Variants in ZNF285 observed in about 807,000 individuals in gnomAD.
The protein encoded by ZNF285 is zinc finger protein 285A.
ZNF285 carries 4 observed loss-of-function variants against 6.2 expected under a neutral mutation model. The observed-to-expected ratio is 0.65, with a 90% CI of 0.32 to 1.49. The LOEUF (loss-of-function observed/expected upper bound fraction) is 1.49, where lower values mean the gene tolerates loss of function less well. Among genes scored for constraint, ZNF285 ranks in the 40% most tolerant of loss-of-function variants. ZNF285 has a pLI of 0.07. For synonymous variants in ZNF285, 240 were observed against 245.8 expected, an observed-to-expected ratio of 0.98 and a Z score of 0.22; for missense variants, 695 against 708.8, an observed-to-expected ratio of 0.98 and a Z score of 0.22.
intron 3 of ZNF285, among the ~76,000 whole-genome samples, chr19:44,389,242 G>T (rs1411083847): frequency 6.6e-6 from 1 of 152,040 alleles, no homozygotes; most frequent in Non-Finnish European, 1.5e-5. Context: ...CAAACAGGGG[G>T]CTGAGGCAGA....
chr19:44,384,067 C>A lies in ZNF285; in HGVS notation c.*2405G>T, dbSNP rs113753078. 6.6e-6 allele frequency: 1 copy of A among 152,078 alleles called. No homozygotes were observed. The highest frequency in any genetic ancestry group is 2.1e-4 in the South Asian group (1 of 4,818). 9.4% of individuals were successfully genotyped at this position (152,078 alleles called of 1,614,324 possible). A position where few individuals can be genotyped will look rare whatever the true frequency, so the allele number is the denominator to read the frequency against. ...AAGCTTCCTAGGATAATGTGTATCC[C>A]GGATTTTTTCTCTAACTTAATGTTT... On this transcript the variant is annotated 3_prime_UTR_variant, in exon 4 of 4. Transcript: ENST00000614994.
Position 44,394,700 on chromosome 19 carries a change from C to T in ZNF285, c.16-2234G>A, listed in dbSNP as rs1258102427. Among the ~76,000 whole-genome samples, 3 of 152,168 alleles carry T rather than the reference C, an allele frequency of 2.0e-5. No homozygotes were observed. The South Asian group carries it at 6.2e-4, about 32-fold the overall frequency. On this transcript the variant is annotated intron_variant, in intron 2 of 3. Coordinates refer to ENST00000614994, the MANE Select transcript of ZNF285 (RefSeq NM_152354.6). Reference sequence around the variant, plus strand: ...AGATATGTTCTCTCAATAGACTCTGCATCTCTAAATAAAGCAGAGGTTTCA... The same window carrying T: ...AGATATGTTCTCTCAATAGACTCTGTATCTCTAAATAAAGCAGAGGTTTCA...
intron 3 of ZNF285, among the ~76,000 whole-genome samples, chr19:44,390,649 G>A (rs187501445): frequency 2.0e-4 from 31 of 152,166 alleles, no homozygotes; most frequent in Non-Finnish European, 3.4e-4. Context: ...CATTGGCTTT[G>A]AAATGTAAGG....
Position 44,396,941 on chromosome 19 carries a change from T to C in ZNF285, c.15+258A>G, listed in dbSNP as rs2571139. 1,398 of 476,076 alleles carry C rather than the reference T, an allele frequency of 2.9e-3. 5 individuals carry two copies. Among genetic ancestry groups the C allele is most frequent in the African/African-American group, 9.5e-3 (477 of 50,198 alleles). 29.5% of individuals were successfully genotyped at this position (476,076 alleles called of 1,614,324 possible). A position where few individuals can be genotyped will look rare whatever the true frequency, so the allele number is the denominator to read the frequency against. ...TTCTTTTTCCCTCATCGGGCAGTGA[T>C]AAGCAGTTCATGGACTGGTACTGAT... On this transcript the variant is annotated intron_variant, in intron 2 of 3. Coordinates refer to ENST00000614994, the MANE Select transcript of ZNF285 (RefSeq NM_152354.6).
In ZNF285 at chr19:44,389,513, C is replaced by T. The variant is rs1346689122; in HGVS notation, c.143-1411G>A. Among the ~76,000 whole-genome samples, 4 of 152,282 alleles carry T rather than the reference C, an allele frequency of 2.6e-5. No individual in the cohort carries two copies. The South Asian group carries it at 6.2e-4, about 24-fold the overall frequency. On this transcript the variant is annotated intron_variant, in intron 3 of 3. Transcript: ENST00000614994. ...ATGACTCAGTAGGAATAGGCACGAA[C>T]ATCAACAGAGACTGCTCACTAAAAC... is the stretch of plus-strand genomic sequence containing the variant.
In ZNF285 at chr19:44,382,596, A is replaced by T. The variant is rs1354762867; in HGVS notation, c.*3876T>A. On this transcript the variant is annotated 3_prime_UTR_variant, in exon 4 of 4. Transcript: ENST00000614994. ...TAGGACTAAGTTTTATAGGGAAAAC[A>T]TGTAAGCTAAGGGTCTGGAAGAGAA... 6.6e-6 allele frequency: 1 copy of T among 151,762 alleles called. No individual in the cohort carries two copies. Among genetic ancestry groups the T allele is most frequent in the African/African-American group, 2.4e-5 (1 of 41,086 alleles). The allele number at this position is 151,762 out of a possible 1,614,324, so 9.4% of individuals were successfully genotyped here.
In ZNF285 at chr19:44,387,965, G is replaced by C. The variant is rs757891177; in HGVS notation, c.280C>G (p.Leu94Val). 13 of 1,614,042 alleles carry C rather than the reference G, an allele frequency of 8.1e-6. No homozygotes were observed. In the African/African-American group the frequency reaches 1.7e-4, roughly 22 times the overall value. ...LTVSQDYIVN[L>V]QEECSPHLED... The stretch of plus-strand genomic sequence containing the variant: ...AAATGTGGGGAACACTCTTCTTGAA[G>C]GTTCACGATATAATCCTGACTCACA... The change falls in exon 4 of 4, where the codon CTT (leucine) becomes GTT (valine). Residue 94 changes from leucine (L) to valine (V), a missense_variant. By Grantham distance (32) the Leu-to-Val change is conservative (BLOSUM62 1). Transcript: ENST00000614994.
At chr19:44,394,250 A>T (rs1354482780) in intron 2 of ZNF285, among the ~76,000 whole-genome samples, 1 of 150,812 alleles carries the variant, frequency 6.6e-6, no homozygotes, top group Non-Finnish European at 1.5e-5. Flanking sequence ...ATCACACACC[A>T]GGGACTGTTG....
intron 3 of ZNF285, among the ~76,000 whole-genome samples, chr19:44,390,070 C>A (rs1179714414): frequency 1.3e-5 from 2 of 152,128 alleles, no homozygotes; most frequent in Non-Finnish European, 2.9e-5. Flanking sequence ...ATAATTCCCA[C>A]GTGTCGTGTC....
chr19:44,394,090 G>A (rs1285807437), intron 2 of ZNF285, among the ~76,000 whole-genome samples: 1 of 152,100 alleles, frequency 6.6e-6, no homozygotes, highest in Non-Finnish European at 1.5e-5. Context: ...ATAAAAAAAT[G>A]ATGAGTTCAT....
Position 44,387,938 on chromosome 19 carries a change from C to G in ZNF285, c.307G>C (p.Glu103Gln). The G allele has an allele frequency of 1.9e-6, 3 of 1,614,128 alleles. No individual in the cohort carries two copies. Among genetic ancestry groups the G allele is most frequent in the Non-Finnish European group, 2.5e-6 (3 of 1,180,008 alleles). ...NLQEECSPHL[E>Q]DVSLSEEWAG... Reference sequence around the variant, plus strand: ...CACTCTTCACTGAGGGAAACATCTTCTAAATGTGGGGAACACTCTTCTTGA... The same window carrying G: ...CACTCTTCACTGAGGGAAACATCTTGTAAATGTGGGGAACACTCTTCTTGA... The change falls in exon 4 of 4, where the codon GAA becomes CAA. Residue 103 changes from glutamate to glutamine, a missense_variant. Glu to Gln is a conservative substitution (Grantham distance 29). Coordinates refer to ENST00000614994, the MANE Select transcript of ZNF285 (RefSeq NM_152354.6).
At chr19:44,390,564 G>A (rs566401931) in intron 3 of ZNF285, among the ~76,000 whole-genome samples, 33 of 152,258 alleles carry the variant, frequency 2.2e-4, no homozygotes, top group Admixed American at 9.8e-4. Context: ...GCTTGTCTCC[G>A]ATGAGACAAT....
chr19:44,387,632 T>C lies in ZNF285; in HGVS notation c.613A>G (p.Arg205Gly), dbSNP rs1971114347. ...AAGTTTTTCCCACAGCTGGGATGTC[T>C]ACCAGGGTCCTCTCCTTTACATTCT... is the stretch of plus-strand genomic sequence containing the variant. ...SQECKGEDPG[R>G]HPSCGKNLGM... is the part of the protein sequence containing the mutation. The change falls in exon 4 of 4, where the codon AGA (arginine) becomes GGA (glycine). Residue 205 changes from arginine (R) to glycine (G), a missense_variant. Physicochemically the swap from Arg to Gly is moderately radical, Grantham distance 125 (BLOSUM62 -2). Transcript: ENST00000614994. 6.2e-7 allele frequency: 1 copy of C among 1,613,820 alleles called. No homozygotes were observed.
At chr19:44,399,954 A>T (rs1186578418) in intron 1 of ZNF285, among the ~76,000 whole-genome samples, 1 of 151,296 alleles carries the variant, frequency 6.6e-6, no homozygotes, top group African/African-American at 2.5e-5. Flanking sequence ...GTTGTTTAGA[A>T]GGGCAGCTAA....
In ZNF285 at chr19:44,385,203, A is replaced by G. The variant is rs891917132; in HGVS notation, c.*1269T>C. On this transcript the variant is annotated 3_prime_UTR_variant, in exon 4 of 4. Coordinates refer to ENST00000614994, the MANE Select transcript of ZNF285 (RefSeq NM_152354.6). ...TTACATGTTGTTGGTCACTTTAGTA[A>G]ATGTTGATTTTATTCAATTAATTTT... 1 of 152,052 alleles carries G rather than the reference A, an allele frequency of 6.6e-6. No individual in the cohort carries two copies. Among genetic ancestry groups the G allele is most frequent in the Non-Finnish European group, 1.5e-5 (1 of 68,020 alleles). 9.4% of individuals were successfully genotyped at this position (152,052 alleles called of 1,614,324 possible).
At position 44,386,782 on chromosome 19, in the gene ZNF285, A is replaced by C. The variant is rs568314396; in HGVS notation, c.1463T>G (p.Val488Gly). The C allele has an allele frequency of 6.8e-6, 11 of 1,614,064 alleles. No homozygotes were observed. Among genetic ancestry groups the C allele is most frequent in the Middle Eastern group, 1.6e-4 (1 of 6,082 alleles). ...ACTGTAACTGAAGCACTTTCCACAC[A>C]CTTCACATTTATATGGTTTTTCTCC... Reference protein sequence around the residue: ...HTGEKPYKCEVCGKCFSYSSY... With the variant: ...HTGEKPYKCEGCGKCFSYSSY... The change falls in exon 4 of 4, where the codon GTG becomes GGG. Residue 488 changes from valine to glycine, a missense_variant. Transcript: ENST00000614994.
At chr19:44,395,184 A>G (rs1971259893) in intron 2 of ZNF285, among the ~76,000 whole-genome samples, 1 of 151,886 alleles carries the variant, frequency 6.6e-6, no homozygotes, top group Non-Finnish European at 1.5e-5. Context: ...AAATGAATAA[A>G]CACATGCAAA....
chr19:44,397,906 A>G (rs12151066), intron 1 of ZNF285, among the ~76,000 whole-genome samples: 58,576 of 148,108 alleles, frequency 0.4, 15,625 homozygotes, highest in East Asian at 0.75. Flanking sequence ...AAACAGAGGA[A>G]AAAAAAAAGA....
intron 1 of ZNF285, among the ~76,000 whole-genome samples, chr19:44,400,736 G>T (rs1971361439): frequency 6.6e-6 from 1 of 151,952 alleles, no homozygotes; most frequent in Non-Finnish European, 1.5e-5. Context: ...CACCGTGCCC[G>T]GCTAATTTTT....
Sources: allele counts gnomAD v4.1 joint callset (sites outside exome capture counted in the v4.1 genomes callset), GRCh38; gene constraint gnomAD v4.1.1; transcripts MANE v1.5; gene names NCBI Gene and HGNC (gene_info 2026-07-23, HGNC 2026-07-21).